The following EPHA6 variants were observed in gnomAD, a reference collection of about 807,000 sequenced individuals.
EPHA6 encodes EPH receptor A6.
Under a neutral mutation model 112.0 loss-of-function variants are expected in EPHA6, and 50 were observed. The observed-to-expected ratio is 0.45, with a 90% confidence interval of 0.36 to 0.56. EPHA6 has a LOEUF of 0.56. Among genes scored for constraint, EPHA6 ranks in the 20% least tolerant of loss-of-function variants. The pLI is 0.00. For missense variants in EPHA6, 1,280 were observed against 1,417.4 expected (o/e 0.90, Z 1.56); for synonymous variants, 529 against 490.7 (o/e 1.08, Z -1.03).
chr3:97,289,072 C>T lies in EPHA6; in HGVS notation c.1606+44785C>T, dbSNP rs144180722. On this transcript the variant is annotated intron_variant, in intron 5 of 17. Coordinates refer to ENST00000389672, the MANE Select transcript of EPHA6 (RefSeq NM_001080448.3). Reference sequence around the variant, plus strand: ...TTGACAGTTACTTTTGCTCTGCAGACGCTCATTAGTTTAATCAGGTCACAA... The same window carrying T: ...TTGACAGTTACTTTTGCTCTGCAGATGCTCATTAGTTTAATCAGGTCACAA... Among the ~76,000 whole-genome samples, 20 of 152,006 alleles carry T rather than the reference C, an allele frequency of 1.3e-4. No individual in the cohort carries two copies. The East Asian group carries it at 1.5e-3, about 12-fold the overall frequency.
chr3:97,309,127 A>T (rs1222294532), intron 5 of EPHA6, among the ~76,000 whole-genome samples: 1 of 151,720 alleles, frequency 6.6e-6, no homozygotes, highest in Admixed American at 6.6e-5. Flanking sequence ...ATTATAAAGA[A>T]AGCAAGATGT....
intron 6 of EPHA6, among the ~76,000 whole-genome samples, chr3:97,434,187 G>T (rs2089684199): frequency 2.6e-5 from 4 of 152,202 alleles, no homozygotes; most frequent in Admixed American, 2.6e-4. Context: ...ATTGGAAGCT[G>T]CATTGTGTAA....
At chr3:97,461,985 A>C (rs2090904997) in intron 7 of EPHA6, among the ~76,000 whole-genome samples, 1 of 152,188 alleles carries the variant, frequency 6.6e-6, no homozygotes, top group Admixed American at 6.5e-5. Flanking sequence ...AATTACTTAG[A>C]AGTTGGCCTA....
intron 3 of EPHA6, among the ~76,000 whole-genome samples, chr3:97,154,651 T>C (rs1272364654): frequency 1.3e-5 from 2 of 152,188 alleles, no homozygotes; most frequent in Non-Finnish European, 2.9e-5. Flanking sequence ...AAACATTTTA[T>C]TGCTTGTGTA....
At chr3:97,466,059 C>A (rs1577487611) in intron 7 of EPHA6, among the ~76,000 whole-genome samples, 1 of 151,480 alleles carries the variant, frequency 6.6e-6, no homozygotes, top group Non-Finnish European at 1.5e-5. Flanking sequence ...GGACTGATTT[C>A]CCCCCAAAAC....
intron 5 of EPHA6, among the ~76,000 whole-genome samples, chr3:97,329,001 G>A (rs998766569): frequency 2.0e-5 from 3 of 151,782 alleles, no homozygotes; most frequent in Non-Finnish European, 4.4e-5. Flanking sequence ...AGTGTGTGAT[G>A]TTCCCCTTCC....
chr3:97,493,623 C>CTGTGTGTGTGTGTGTGTGTGTGTGTGTG (rs373276812), intron 10 of EPHA6, among the ~76,000 whole-genome samples: 2 of 147,266 alleles, frequency 1.4e-5, no homozygotes, highest in African/African-American at 5.0e-5. Flanking sequence ...ATTTAGTCCT[C>CTGTGTGTGTGTGTGTGTGTGTGTGTGTG]TGTGTGTGTG....
At chr3:97,036,563 G>A (rs1383251867) in intron 3 of EPHA6, among the ~76,000 whole-genome samples, 6 of 151,740 alleles carry the variant, frequency 4.0e-5, no homozygotes, top group Non-Finnish European at 8.8e-5. Flanking sequence ...CTCCCAACTT[G>A]GACGTTCTTC....
intron 2 of EPHA6, among the ~76,000 whole-genome samples, chr3:96,905,725 T>A (rs144494699): frequency 2.6e-5 from 4 of 152,058 alleles, no homozygotes; most frequent in African/African-American, 9.6e-5. Flanking sequence ...TTTTAACTAT[T>A]TTAGGAATCA....
chr3:97,072,709 C>T (rs1337463127), intron 3 of EPHA6, among the ~76,000 whole-genome samples: 1 of 152,078 alleles, frequency 6.6e-6, no homozygotes, highest in Non-Finnish European at 1.5e-5. Flanking sequence ...AGAAAAAGAT[C>T]TTCATTGGTG....
intron 10 of EPHA6, among the ~76,000 whole-genome samples, chr3:97,503,563 T>C (rs1388657426): frequency 6.6e-6 from 1 of 152,200 alleles, no homozygotes; most frequent in Non-Finnish European, 1.5e-5. Context: ...ACAGTCAGAA[T>C]GCTGTTATTG....
intron 5 of EPHA6, among the ~76,000 whole-genome samples, chr3:97,319,119 A>T (rs1487312856): frequency 6.6e-6 from 1 of 151,302 alleles, no homozygotes; most frequent in African/African-American, 2.4e-5. Context: ...ATCATGAGAG[A>T]CACTTCCATA....
chr3:97,225,653 A>G (rs1418163440), intron 3 of EPHA6, among the ~76,000 whole-genome samples: 3 of 152,166 alleles, frequency 2.0e-5, no homozygotes, highest in African/African-American at 7.2e-5. Context: ...TAGTAATTTT[A>G]CTGTGTGGAA....
chr3:97,101,214 A>G (rs2047393624), intron 3 of EPHA6, among the ~76,000 whole-genome samples: 1 of 152,070 alleles, frequency 6.6e-6, no homozygotes, highest in African/African-American at 2.4e-5. Flanking sequence ...AGAAATAAAA[A>G]TGAATTAATT....
intron 2 of EPHA6, among the ~76,000 whole-genome samples, chr3:96,939,612 G>C (rs762314230): frequency 7.9e-5 from 12 of 152,066 alleles, no homozygotes; most frequent in Non-Finnish European, 1.6e-4. Flanking sequence ...CTTCAGTTCT[G>C]CTCTGATGTT....
intron 5 of EPHA6, among the ~76,000 whole-genome samples, chr3:97,260,011 G>A (rs2079446001): frequency 2.0e-5 from 3 of 152,128 alleles, no homozygotes; most frequent in Admixed American, 6.5e-5. Flanking sequence ...ATATTGGTCA[G>A]GCTGGTCTGG....
chr3:97,723,039 T>C (rs2034602858), intron 15 of EPHA6, among the ~76,000 whole-genome samples: 2 of 152,220 alleles, frequency 1.3e-5, no homozygotes, highest in African/African-American at 4.8e-5. Flanking sequence ...AGTAACATGC[T>C]ATGATTTTAT....
chr3:97,214,765 A>T (rs1373586006), intron 3 of EPHA6, among the ~76,000 whole-genome samples: 9 of 152,154 alleles, frequency 5.9e-5, no homozygotes, highest in African/African-American at 2.2e-4. Context: ...GGATTTGGTG[A>T]ATTTGAGAAT....
chr3:96,885,692 T>C (rs1241147298), intron 2 of EPHA6, among the ~76,000 whole-genome samples: 1 of 152,128 alleles, frequency 6.6e-6, no homozygotes, highest in Non-Finnish European at 1.5e-5. Context: ...TTTTTCATTA[T>C]CTTTTGTAAT....
Sources: gnomAD v4.1 joint callset for allele counts (sites outside exome capture counted in the v4.1 genomes callset) on GRCh38, gnomAD v4.1.1 for gene constraint, MANE v1.5 for transcripts, NCBI Gene and HGNC (gene_info 2026-07-23, HGNC 2026-07-21) for gene names.